The following PDE6A variants were observed in gnomAD, a reference collection of about 807,000 sequenced individuals.
The protein encoded by PDE6A is phosphodiesterase 6A.
PDE6A carries 84 observed loss-of-function variants against 106.3 expected under a neutral mutation model. The ratio of observed to expected loss-of-function variants is 0.79; its 90% CI spans 0.66 to 0.95. The LOEUF (loss-of-function observed/expected upper bound fraction) is 0.95. PDE6A is among the 40% of genes least tolerant of loss of function. The probability of loss-of-function intolerance (pLI) is 0.00; values close to 1 mark genes in which losing one functional copy is unlikely to be tolerated. For missense variants in PDE6A, 1,052 were observed against 1,084.9 expected (o/e 0.97, Z 0.43); for synonymous variants, 394 against 386.6 (o/e 1.02, Z -0.23).
At chr5:149,882,073 A>AATAAAT (rs1760949410) in intron 17 of PDE6A, among the ~76,000 whole-genome samples, 1 of 151,224 alleles carries the variant, frequency 6.6e-6, no homozygotes, top group South Asian at 2.1e-4. Flanking sequence ...TAAATAAATA[A>AATAAAT]ATAAATAAAT....
rs571184696 is a variant in PDE6A at position 149,912,196 on chromosome 5, C to T, written c.998+2747G>A. On this transcript the variant is annotated intron_variant, in intron 6 of 21. Coordinates refer to ENST00000255266, the MANE Select transcript of PDE6A (RefSeq NM_000440.3). The stretch of plus-strand genomic sequence containing the variant: ...TCACAGGTGCAATCATAGCTCACTG[C>T]AGCCTCAAATTCCTAGGCTCAAGCA... Among the ~76,000 whole-genome samples the T allele has an allele frequency of 2.6e-5, 4 of 152,124 alleles. No homozygotes were observed. In the South Asian group the frequency reaches 8.3e-4, roughly 32 times the overall value.
At chr5:149,918,197 T>C (rs1753609855) in intron 5 of PDE6A, among the ~76,000 whole-genome samples, 1 of 152,200 alleles carries the variant, frequency 6.6e-6, no homozygotes, top group Admixed American at 6.5e-5. Context: ...TTTTGCCCCG[T>C]CCAAGGGTCT....
chr5:149,905,956 CA>C (rs1753163054), intron 7 of PDE6A, among the ~76,000 whole-genome samples: 1 of 152,098 alleles, frequency 6.6e-6, no homozygotes, highest in Non-Finnish European at 1.5e-5. Flanking sequence ...CTCCTGGGCT[CA>C]AGGGATACTC....
chr5:149,880,319 A>G (rs1443912326), intron 17 of PDE6A, among the ~76,000 whole-genome samples: 1 of 152,162 alleles, frequency 6.6e-6, no homozygotes, highest in Non-Finnish European at 1.5e-5. Context: ...AAGTCCCCCT[A>G]TCCAATAGCA....
chr5:149,876,763 C>T (rs937910603), intron 17 of PDE6A, among the ~76,000 whole-genome samples: 31 of 152,150 alleles, frequency 2.0e-4, no homozygotes, highest in Admixed American at 2.0e-4. Context: ...GTCTCAGCCT[C>T]CCCACCATGC....
chr5:149,922,590 G>A (rs946847484), intron 4 of PDE6A, among the ~76,000 whole-genome samples: 1 of 152,176 alleles, frequency 6.6e-6, no homozygotes, highest in Non-Finnish European at 1.5e-5. Context: ...GGGATTACAG[G>A]CATCAGCCAC....
chr5:149,935,731 A>G (rs543142814), intron 1 of PDE6A, among the ~76,000 whole-genome samples: 1 of 152,326 alleles, frequency 6.6e-6, no homozygotes, highest in Non-Finnish European at 1.5e-5. Context: ...CTTTCTGTTT[A>G]TTGGTAGCAC....
rs1382125507 is a variant in PDE6A at position 149,863,372 on chromosome 5, G to C, written c.2359-106C>G. The C allele has an allele frequency of 3.4e-6, 4 of 1,161,932 alleles. No individual in the cohort carries two copies. The allele number at this position is 1,161,932 out of a possible 1,614,324, so 72.0% of individuals were successfully genotyped here. A position where few individuals can be genotyped will look rare whatever the true frequency, so the allele number is the denominator to read the frequency against. On this transcript the variant is annotated intron_variant, in intron 20 of 21. Coordinates refer to ENST00000255266, the MANE Select transcript of PDE6A (RefSeq NM_000440.3). The surrounding 1 kb of genome is among the most constrained non-coding windows in gnomAD (Gnocchi z 4.7). ...TCCAACACTGGAATGAGCTGCTTCG[G>C]AGTAGCAGGCCTCCCGCCACCGTGC...
chr5:149,870,411 CAGAT>C (rs1760490704), intron 17 of PDE6A, among the ~76,000 whole-genome samples: 1 of 152,150 alleles, frequency 6.6e-6, no homozygotes. Flanking sequence ...TACTTACTGT[CAGAT>C]AGGTTGAGCA....
chr5:149,876,473 G>A (rs1760746378), intron 17 of PDE6A, among the ~76,000 whole-genome samples: 2 of 150,240 alleles, frequency 1.3e-5, no homozygotes, highest in Admixed American at 1.3e-4. Context: ...CTCCCACTTC[G>A]GCCTCCCAAG....
intron 1 of PDE6A, among the ~76,000 whole-genome samples, chr5:149,943,039 C>G (rs1242569322): frequency 1.3e-5 from 2 of 151,790 alleles, no homozygotes; most frequent in Non-Finnish European, 2.9e-5. Context: ...AGCATAGACC[C>G]TTTACGGGTG....
rs111528250 is a variant in PDE6A at position 149,921,936 on chromosome 5, A to G, written c.859-227T>C. On this transcript the variant is annotated intron_variant, in intron 4 of 21. Transcript: ENST00000255266. ...GCCTGTCTAGTCATTAGCCAAAAAC[A>G]TGGGAGCTGAACTGGGGCACCCTCA... is the stretch of plus-strand genomic sequence containing the variant. Among the ~76,000 whole-genome samples, 15 of 152,294 alleles carry G rather than the reference A, an allele frequency of 9.8e-5. 1 individual carries two copies. The highest frequency in any genetic ancestry group is 3.6e-4 in the African/African-American group (15 of 41,568).
intron 13 of PDE6A, among the ~76,000 whole-genome samples, chr5:149,891,004 A>G (rs1752525021): frequency 6.6e-6 from 1 of 152,232 alleles, no homozygotes. Context: ...TGGTATTTAA[A>G]AGGATGTAAA....
rs1169223537 is a variant in PDE6A, at chr5:149,860,818, G to T, written c.*77C>A. 2 of 1,160,528 alleles carry T rather than the reference G, an allele frequency of 1.7e-6. No individual in the cohort carries two copies. The highest frequency in any genetic ancestry group is 1.3e-6 in the Non-Finnish European group (1 of 769,042). 71.9% of individuals were successfully genotyped at this position (1,160,528 alleles called of 1,614,324 possible). ...CTATGACTCTTCTACTTCTCAAGGT[G>T]TGTGGTCTTCCACTGGCTTGAGTCA... On this transcript the variant is annotated 3_prime_UTR_variant, in exon 22 of 22. Transcript: ENST00000255266.
intron 15 of PDE6A, 100 bp from the exon 16 acceptor site, chr5:149,884,679 G>A: frequency 7.0e-7 from 1 of 1,436,730 alleles, no homozygotes; most frequent in Non-Finnish European, 9.8e-7. Flanking sequence ...AGGCAGCCCA[G>A]GCCAATGGGA....
At chr5:149,887,463 A>G in intron 13 of PDE6A, among the ~76,000 whole-genome samples, 1 of 152,196 alleles carries the variant, frequency 6.6e-6, no homozygotes, top group Admixed American at 6.5e-5. Flanking sequence ...TAAGAATTCA[A>G]GATCAGCTTA....
intron 17 of PDE6A, among the ~76,000 whole-genome samples, chr5:149,875,740 C>T (rs1760716493): frequency 6.6e-6 from 1 of 152,158 alleles, no homozygotes; most frequent in Non-Finnish European, 1.5e-5. Context: ...CCTCTCGCCT[C>T]AGCTTTGCAA....
intron 17 of PDE6A, among the ~76,000 whole-genome samples, chr5:149,872,418 C>G (rs548806591): frequency 7.9e-5 from 12 of 152,270 alleles, no homozygotes; most frequent in African/African-American, 2.4e-4. Flanking sequence ...TTATCAGCAC[C>G]TGCATTCATC....
Position 149,944,334 on chromosome 5 carries a change from T to C in PDE6A, c.340A>G (p.Asn114Asp). 6.2e-7 allele frequency: 1 copy of C among 1,614,128 alleles called. No homozygotes were observed. Among genetic ancestry groups the C allele is most frequent in the African/African-American group, 1.3e-5 (1 of 75,054 alleles). Residue 114 changes from asparagine (N) to aspartate (D), a missense_variant, in exon 1 of 22, where the codon AAT (asparagine) becomes GAT (aspartate). Around this residue, in one of 3 missense-constraint regions of PDE6A, gnomAD observed 913 missense variants for 915.2 expected, o/e 1.00. Transcript: ENST00000255266. ...TCGAGGACAGCATCCTTGTGGACAT[T>C]GAAAAGCCTGGTGGCCAGCTCTGCG... ...GIAELATRLF[N>D]VHKDAVLEDC...
Sources: allele counts gnomAD v4.1 joint callset (sites outside exome capture counted in the v4.1 genomes callset), GRCh38; gene constraint gnomAD v4.1.1; regional missense constraint gnomAD v4.1.1; non-coding constraint Gnocchi (gnomAD v3.1); transcripts MANE v1.5; gene names NCBI Gene and HGNC (gene_info 2026-07-23, HGNC 2026-07-21).